NOS1AP: variants seen among roughly 807,000 people sequenced by gnomAD.
The protein encoded by NOS1AP is carboxyl-terminal PDZ ligand of neuronal nitric oxide synthase protein.
Under a neutral mutation model 56.2 loss-of-function variants are expected in NOS1AP, and 21 were observed. The observed-to-expected ratio is 0.37, with a 90% CI of 0.26 to 0.54. NOS1AP has a LOEUF of 0.54. NOS1AP is among the 20% of genes least tolerant of loss of function. NOS1AP has a pLI of 0.84. For synonymous variants in NOS1AP, 270 were observed against 274.6 expected (o/e 0.98, Z 0.17); for missense variants, 522 against 657.8 (o/e 0.79, Z 2.26).
At chr1:162,192,383 GGGT>G (rs1167850297) in intron 2 of NOS1AP, among the ~76,000 whole-genome samples, 1 of 152,202 alleles carries the variant, frequency 6.6e-6, no homozygotes, top group Non-Finnish European at 1.5e-5. Context: ...GATGATGTAT[GGGT>G]TTTTGTGTTG....
chr1:162,111,372 C>A (rs940728997), intron 1 of NOS1AP, among the ~76,000 whole-genome samples: 1 of 152,212 alleles, frequency 6.6e-6, no homozygotes, highest in African/African-American at 2.4e-5. Flanking sequence ...CTCCCCACAT[C>A]CTCATCCCAG....
chr1:162,271,227 AC>A (rs937110482), intron 2 of NOS1AP, among the ~76,000 whole-genome samples: 5 of 138,042 alleles, frequency 3.6e-5, no homozygotes, highest in African/African-American at 1.4e-4. Context: ...CAGTGATGGC[AC>A]CCCCAACCCC....
chr1:162,232,134 G>A (rs1017949020), intron 2 of NOS1AP, among the ~76,000 whole-genome samples: 2 of 152,190 alleles, frequency 1.3e-5, no homozygotes, highest in African/African-American at 2.4e-5. Flanking sequence ...ATTTGAGAGA[G>A]AAATAGGTAC....
intron 2 of NOS1AP, among the ~76,000 whole-genome samples, chr1:162,206,975 C>T (rs755653853): frequency 7.9e-5 from 12 of 152,210 alleles, no homozygotes; most frequent in Non-Finnish European, 1.6e-4. Flanking sequence ...GCAGCTGCTG[C>T]AGATACGTGC....
At chr1:162,083,812 G>A (rs778796106) in intron 1 of NOS1AP, among the ~76,000 whole-genome samples, 3 of 152,108 alleles carry the variant, frequency 2.0e-5, no homozygotes, top group Non-Finnish European at 4.4e-5. Context: ...AGAGGCGCAG[G>A]CTTATTGAAG....
At chr1:162,186,402 A>C (rs373315297) in intron 2 of NOS1AP, among the ~76,000 whole-genome samples, 5 of 152,054 alleles carry the variant, frequency 3.3e-5, no homozygotes, top group South Asian at 2.1e-4. Flanking sequence ...AAGAAAAAAA[A>C]CAAAACAAAA....
intron 2 of NOS1AP, among the ~76,000 whole-genome samples, chr1:162,274,909 G>C (rs1654690419): frequency 6.6e-6 from 1 of 152,080 alleles, no homozygotes; most frequent in South Asian, 2.1e-4. Flanking sequence ...TTTACTTCGG[G>C]TGTTGTCTAC....
chr1:162,125,130 CTTTT>C (rs56264198), intron 1 of NOS1AP, among the ~76,000 whole-genome samples: 3,209 of 124,102 alleles, frequency 0.026, 139 homozygotes, highest in African/African-American at 0.096. Context: ...GTTTCTGACT[CTTTT>C]TTTTTTTTTT....
At chr1:162,309,504 T>A (rs1357489156) in intron 4 of NOS1AP, among the ~76,000 whole-genome samples, 1 of 152,210 alleles carries the variant, frequency 6.6e-6, no homozygotes, top group Non-Finnish European at 1.5e-5. Context: ...AAAGTACTCC[T>A]TAAATACCTT....
chr1:162,142,593 G>A (rs1489652340), intron 1 of NOS1AP, among the ~76,000 whole-genome samples: 1 of 152,146 alleles, frequency 6.6e-6, no homozygotes, highest in Non-Finnish European at 1.5e-5. Flanking sequence ...TGCCGAATTT[G>A]TCTTGCTAGT....
chr1:162,272,967 A>G (rs542335168), intron 2 of NOS1AP, among the ~76,000 whole-genome samples: 14 of 152,062 alleles, frequency 9.2e-5, no homozygotes, highest in African/African-American at 1.4e-4. Context: ...TGAGTTGACC[A>G]TGACTTGGTA....
chr1:162,086,097 G>A (rs1007440222), intron 1 of NOS1AP, among the ~76,000 whole-genome samples: 7 of 152,140 alleles, frequency 4.6e-5, no homozygotes, highest in Non-Finnish European at 7.4e-5. Context: ...CATGGGTGCT[G>A]CTGCGATGGG....
Position 162,367,736 on chromosome 1 carries a change from G to A in NOS1AP, c.*269G>A. ...GGCCTTCCAGAGCCCATGGCTTCAG[G>A]AGAGGGTCTCTCTCCAGGACTGCCA... On this transcript the variant is annotated 3_prime_UTR_variant, in exon 10 of 10. Transcript: ENST00000361897. The surrounding 1 kb of genome is among the most constrained non-coding windows in gnomAD (Gnocchi z 6.5). 4.1e-6 allele frequency: 2 copies of A among 486,128 alleles called. No homozygotes were observed. The highest frequency in any genetic ancestry group is 7.4e-6 in the Non-Finnish European group (2 of 269,652). The allele number at this position is 486,128 out of a possible 1,614,324, so 30.1% of individuals were successfully genotyped here. A position where few individuals can be genotyped will look rare whatever the true frequency, so the allele number is the denominator to read the frequency against.
Position 162,282,186 on chromosome 1 carries a change from C to G in NOS1AP, c.178-5158C>G, listed in dbSNP as rs564547773. Among the ~76,000 whole-genome samples the G allele has an allele frequency of 2.0e-5, 3 of 152,284 alleles. No individual in the cohort carries two copies. In the South Asian group the frequency reaches 6.2e-4, roughly 32 times the overall value. On this transcript the variant is annotated intron_variant, in intron 2 of 9. Transcript: ENST00000361897. ...ATTTACATTGCTGTACAACCATCAC[C>G]ACCATCCATCTCCAGAACTTTTTCA...
intron 2 of NOS1AP, among the ~76,000 whole-genome samples, chr1:162,248,396 C>T (rs1653740752): frequency 6.6e-6 from 1 of 152,124 alleles, no homozygotes. Flanking sequence ...TCTTCCATTA[C>T]CCATATGCTT....
chr1:162,281,859 G>A (rs1026959089), intron 2 of NOS1AP, among the ~76,000 whole-genome samples: 3 of 152,160 alleles, frequency 2.0e-5, no homozygotes, highest in South Asian at 2.1e-4. Flanking sequence ...GGTGGCTCAC[G>A]CCTGTAATCC....
chr1:162,217,344 A>C (rs1382179292), intron 2 of NOS1AP, among the ~76,000 whole-genome samples: 1 of 136,370 alleles, frequency 7.3e-6, no homozygotes, highest in Non-Finnish European at 1.5e-5. Context: ...GCTCACTGCC[A>C]CCTCTGCCTC....
chr1:162,151,113 T>C (rs1002967317), intron 1 of NOS1AP, among the ~76,000 whole-genome samples: 51 of 152,246 alleles, frequency 3.3e-4, no homozygotes, highest in Admixed American at 3.1e-3. Context: ...TTTAAGTCTT[T>C]AGTTCATTTT....
chr1:162,097,814 A>G (rs777383241), intron 1 of NOS1AP, among the ~76,000 whole-genome samples: 2 of 152,280 alleles, frequency 1.3e-5, no homozygotes, highest in Middle Eastern at 3.4e-3. Flanking sequence ...GGTCTTGGCT[A>G]TTCTTGGGCC....
Sources: gnomAD v4.1 joint callset for allele counts (sites outside exome capture counted in the v4.1 genomes callset) on GRCh38, gnomAD v4.1.1 for gene constraint, Gnocchi (gnomAD v3.1) non-coding constraint, MANE v1.5 for transcripts, NCBI Gene and HGNC (gene_info 2026-07-23, HGNC 2026-07-21) for gene names.